The following SLC1A3 variants were observed in gnomAD, a reference collection of about 807,000 sequenced individuals.
SLC1A3 encodes the protein solute carrier family 1 member 3, also known as excitatory amino acid transporter 1.
SLC1A3 carries 21 observed loss-of-function variants against 48.1 expected under a neutral mutation model. That is an observed-to-expected ratio of 0.44 (90% CI 0.31 to 0.63). SLC1A3 has a LOEUF of 0.63. SLC1A3 is among the 20% of genes least tolerant of loss of function. The pLI, the probability that SLC1A3 is intolerant of heterozygous loss-of-function variation, is 0.08. For synonymous variants in SLC1A3, 239 were observed against 251.4 expected (o/e 0.95, Z 0.47); for missense variants, 546 against 689.0 (o/e 0.79, Z 2.32).
At chr5:36,626,855 C>G (rs1739925510) in intron 2 of SLC1A3, among the ~76,000 whole-genome samples, 1 of 152,064 alleles carries the variant, frequency 6.6e-6, no homozygotes, top group Admixed American at 6.6e-5. Flanking sequence ...TGCCTTACAC[C>G]AGATTGGGTT....
chr5:36,664,542 T>C, intron 3 of SLC1A3, among the ~76,000 whole-genome samples: 1 of 152,282 alleles, frequency 6.6e-6, no homozygotes, highest in East Asian at 1.9e-4. Flanking sequence ...TATTTTGTAT[T>C]GCAACCTGGC....
At chr5:36,617,626 T>C (rs1254443248) in intron 2 of SLC1A3, among the ~76,000 whole-genome samples, 1 of 152,104 alleles carries the variant, frequency 6.6e-6, no homozygotes, top group East Asian at 1.9e-4. Flanking sequence ...ATTTATTCCT[T>C]TTTTGACTCT....
intron 3 of SLC1A3, among the ~76,000 whole-genome samples, chr5:36,665,923 T>G (rs1741722460): frequency 6.6e-6 from 1 of 152,254 alleles, no homozygotes. Context: ...ATGATTTGTC[T>G]TCGGTTCCAG....
At chr5:36,627,113 A>T (rs991672083) in intron 2 of SLC1A3, among the ~76,000 whole-genome samples, 3 of 152,160 alleles carry the variant, frequency 2.0e-5, no homozygotes, top group Non-Finnish European at 4.4e-5. Context: ...ACATAGGCAA[A>T]GGGTAATTAT....
At chr5:36,619,601 C>T (rs988835373) in intron 2 of SLC1A3, among the ~76,000 whole-genome samples, 5 of 152,110 alleles carry the variant, frequency 3.3e-5, no homozygotes, top group African/African-American at 1.2e-4. Flanking sequence ...AGAGTAAGAC[C>T]CTAGCTCTAA....
Position 36,679,863 on chromosome 5 carries a change from A to G in SLC1A3, c.1094+3A>G. Reference sequence around the variant, plus strand: ...ACCGCTCTGGGGACCTCTTCAAGGTATGTATGTATGTGTGGAAAATGAGTC... The same window carrying G: ...ACCGCTCTGGGGACCTCTTCAAGGTGTGTATGTATGTGTGGAAAATGAGTC... On this transcript the variant is annotated splice_donor_region_variant and intron_variant, in intron 7 of 9. Coordinates refer to ENST00000265113, the MANE Select transcript of SLC1A3 (RefSeq NM_004172.5). The G allele has an allele frequency of 6.3e-7, 1 of 1,595,378 alleles. No individual in the cohort carries two copies. The highest frequency in any genetic ancestry group is 8.6e-7 in the Non-Finnish European group (1 of 1,163,080).
chr5:36,618,424 T>C (rs1049921640), intron 2 of SLC1A3, among the ~76,000 whole-genome samples: 1 of 152,196 alleles, frequency 6.6e-6, no homozygotes, highest in Admixed American at 6.5e-5. Context: ...AATAAGTCTA[T>C]AGAAGCTAGG....
intron 2 of SLC1A3, chr5:36,612,817 C>T (rs1425837198): frequency 1.1e-5 from 5 of 456,040 alleles, no homozygotes; most frequent in Non-Finnish European, 1.8e-5. Flanking sequence ...TCCACCATTC[C>T]GGCTCCAGGT....
At chr5:36,667,482 A>C (rs935748204) in intron 3 of SLC1A3, among the ~76,000 whole-genome samples, 3 of 152,240 alleles carry the variant, frequency 2.0e-5, no homozygotes, top group African/African-American at 7.2e-5. Flanking sequence ...AGAGAGGTAT[A>C]GCAGTAAGAA....
chr5:36,646,097 TG>T (rs1184451449), intron 3 of SLC1A3, among the ~76,000 whole-genome samples: 1 of 152,230 alleles, frequency 6.6e-6, no homozygotes, highest in Non-Finnish European at 1.5e-5. Flanking sequence ...GGTAACCCAC[TG>T]AATACTCTTT....
At chr5:36,647,421 G>A (rs1306218440) in intron 3 of SLC1A3, among the ~76,000 whole-genome samples, 1 of 152,196 alleles carries the variant, frequency 6.6e-6, no homozygotes, top group East Asian at 1.9e-4. Context: ...GTCCATCCAA[G>A]TAAATGTTTC....
intron 6 of SLC1A3, 121 bp from the exon 7 acceptor site, chr5:36,679,506 A>G: frequency 1.3e-6 from 1 of 767,770 alleles, no homozygotes; most frequent in Non-Finnish European, 2.4e-6. Flanking sequence ...TCCTAATGGT[A>G]TCCTGGGCAG....
At chr5:36,616,363 A>G (rs1189863778) in intron 2 of SLC1A3, among the ~76,000 whole-genome samples, 1 of 152,236 alleles carries the variant, frequency 6.6e-6, no homozygotes, top group Middle Eastern at 3.2e-3. Flanking sequence ...TAGATAAAGG[A>G]AGATATACCC....
intron 3 of SLC1A3, chr5:36,629,848 G>A: frequency 2.2e-6 from 1 of 464,118 alleles, no homozygotes; most frequent in Non-Finnish European, 3.9e-6. Context: ...GAGGTGCCCT[G>A]CTAAACACCA....
intron 2 of SLC1A3, among the ~76,000 whole-genome samples, chr5:36,623,453 TG>T (rs1221980783): frequency 6.6e-6 from 1 of 152,180 alleles, no homozygotes; most frequent in Admixed American, 6.5e-5. Context: ...GAGGATCTGG[TG>T]GCCATAAAGC....
chr5:36,651,312 T>C (rs1232297011), intron 3 of SLC1A3, among the ~76,000 whole-genome samples: 1 of 151,324 alleles, frequency 6.6e-6, no homozygotes, highest in Non-Finnish European at 1.5e-5. Context: ...AACACCATAT[T>C]GATCCTAATC....
intron 5 of SLC1A3, among the ~76,000 whole-genome samples, chr5:36,676,591 C>T (rs1015859546): frequency 6.6e-6 from 1 of 152,064 alleles, no homozygotes; most frequent in African/African-American, 2.4e-5. Flanking sequence ...TTTAGTCCAG[C>T]ATCTTTAGCT....
At chr5:36,629,426 T>C in intron 2 of SLC1A3, 24 bp from the exon 3 acceptor site, 1 of 1,580,646 alleles carries the variant, frequency 6.3e-7, no homozygotes, top group Non-Finnish European at 8.6e-7. Flanking sequence ...TTTTTCTTTT[T>C]CTTTTTTTTT....
intron 1 of SLC1A3, among the ~76,000 whole-genome samples, chr5:36,599,658 C>T (rs557421091): frequency 1.4e-4 from 21 of 149,704 alleles, no homozygotes; most frequent in Middle Eastern, 3.2e-3. Context: ...TACAGGTGTG[C>T]GCCACCACGC....
Sources: allele counts gnomAD v4.1 joint callset (sites outside exome capture counted in the v4.1 genomes callset), GRCh38; gene constraint gnomAD v4.1.1; transcripts MANE v1.5; gene names NCBI Gene and HGNC (gene_info 2026-07-23, HGNC 2026-07-21).